The following MYO7A variants were observed in gnomAD, a reference collection of about 807,000 sequenced individuals.
The protein encoded by MYO7A is unconventional myosin-VIIa.
A neutral mutation model predicts 263.8 loss-of-function variants in MYO7A; 210 were observed. That is an observed-to-expected ratio of 0.80 (90% CI 0.71 to 0.89). The LOEUF is 0.89. Among genes scored for constraint, MYO7A ranks in the 40% least tolerant of loss-of-function variants. The pLI is 0.00. For synonymous variants in MYO7A, 1,239 were observed against 1,197.3 expected (o/e 1.03, Z -0.72); for missense variants, 2,820 against 2,968.3 (o/e 0.95, Z 1.16).
At chr11:77,181,767 GTTTTTTTTTTTGTTTTTTTTTTTTTTT>G (rs1455573694) in intron 23 of MYO7A, among the ~76,000 whole-genome samples, 157 bp from the exon 24 acceptor site, 5 of 138,236 alleles carry the variant, frequency 3.6e-5, no homozygotes, top group Admixed American at 7.4e-5. Flanking sequence ...CCCTTCTCAA[GTTTTTTTTTTTGTTTTTTTTTTTTTTT>G]TTTTTTTTGA....
At chr11:77,185,592 A>C (rs1330734844) in intron 27 of MYO7A, among the ~76,000 whole-genome samples, 2 of 152,168 alleles carry the variant, frequency 1.3e-5, no homozygotes, top group Non-Finnish European at 2.9e-5. Flanking sequence ...CCACATCTGC[A>C]GTTACTTCCT....
At chr11:77,186,919 A>C (rs1955686094) in intron 27 of MYO7A, among the ~76,000 whole-genome samples, 1 of 152,184 alleles carries the variant, frequency 6.6e-6, no homozygotes, top group Non-Finnish European at 1.5e-5. Context: ...TTAAAAGTGA[A>C]AAATGTGCGA....
chr11:77,192,386 G>A, intron 31 of MYO7A, 108 bp downstream of exon 31: 2 of 1,128,142 alleles, frequency 1.8e-6, no homozygotes, highest in Non-Finnish European at 2.6e-6. Context: ...AGGCTGGGGT[G>A]AGCCTGACTG....
intron 21 of MYO7A, 30 bp downstream of exon 21, chr11:77,179,983 C>T (rs554113043): frequency 6.7e-7 from 1 of 1,503,750 alleles, no homozygotes; most frequent in Non-Finnish European, 8.9e-7. Context: ...GCACCCACAG[C>T]TCTGACCCCT....
chr11:77,158,032 C>T (rs1952661010), intron 8 of MYO7A, among the ~76,000 whole-genome samples: 1 of 152,040 alleles, frequency 6.6e-6, no homozygotes, highest in South Asian at 2.1e-4. Flanking sequence ...GCCTGCTCTT[C>T]ATGGGAAGAA....
At chr11:77,172,309 G>A (rs1954172445) in intron 15 of MYO7A, among the ~76,000 whole-genome samples, 1 of 152,210 alleles carries the variant, frequency 6.6e-6, no homozygotes, top group African/African-American at 2.4e-5. Flanking sequence ...GGTGGGCCAG[G>A]GCTTGAATCT....
rs782591227 is a variant in MYO7A at position 77,189,403 on chromosome 11, A to G, written c.3563A>G (p.Tyr1188Cys). 3 of 1,613,880 alleles carry G rather than the reference A, an allele frequency of 1.9e-6. No homozygotes were observed. The highest frequency in any genetic ancestry group is 1.1e-5 in the South Asian group (1 of 91,084). Residue 1188 changes from tyrosine (Y) to cysteine (C), a missense_variant, in exon 28 of 49, where the codon TAT becomes TGT. Coordinates refer to ENST00000409709, the MANE Select transcript of MYO7A (RefSeq NM_000260.4). ...ACCCACAACCCCTCCAAGAGCAGCT[A>G]TGCCCGGGGCTGGATTCTCGTGTCT... The part of the protein sequence containing the change: ...QLTHNPSKSS[Y>C]ARGWILVSLC...
intron 28 of MYO7A, 81 bp from the exon 29 acceptor site, chr11:77,189,939 G>GT: frequency 6.9e-7 from 1 of 1,445,656 alleles, no homozygotes; most frequent in Non-Finnish European, 9.1e-7. Context: ...CGGCCTCCAA[G>GT]TGCCGGGAGG....
intron 2 of MYO7A, among the ~76,000 whole-genome samples, chr11:77,135,871 T>C (rs1591175309): frequency 6.6e-6 from 1 of 152,202 alleles, no homozygotes; most frequent in African/African-American, 2.4e-5. Context: ...CTTTGGTCGC[T>C]TTGTATATCT....
In MYO7A at chr11:77,189,582, G is replaced by A. The variant is rs539149983; in HGVS notation, c.3630+112G>A. On this transcript the variant is annotated intron_variant, in intron 28 of 48. Transcript: ENST00000409709. ...AAGGGCCTGGTCACAAGGCCCACCCGGCCACTCCTTACTGAGCCCCATCTT... is the reference window on the plus strand; with the variant it reads ...AAGGGCCTGGTCACAAGGCCCACCCAGCCACTCCTTACTGAGCCCCATCTT... 171 of 1,468,062 alleles carry A rather than the reference G, an allele frequency of 1.2e-4. 1 individual carries two copies. The Admixed American group carries it at 2.8e-3, about 24-fold the overall frequency. The allele number at this position is 1,468,062 out of a possible 1,614,324, so 90.9% of individuals were successfully genotyped here. A position where few individuals can be genotyped will look rare whatever the true frequency, so the allele number is the denominator to read the frequency against.
At chr11:77,150,616 G>T (rs1312193176) in intron 4 of MYO7A, among the ~76,000 whole-genome samples, 10 of 152,186 alleles carry the variant, frequency 6.6e-5, no homozygotes, top group Admixed American at 6.5e-4. Flanking sequence ...GAGGAGGCAG[G>T]GCCGTCCCCT....
At position 77,160,167 on chromosome 11, in the gene MYO7A, AC is replaced by A. The variant is rs1952854443; in HGVS notation, c.1091del (p.Pro364GlnfsTer3). On this transcript the variant is annotated frameshift_variant, in exon 11 of 49. Coordinates refer to ENST00000409709, the MANE Select transcript of MYO7A (RefSeq NM_000260.4). LOFTEE classifies it high-confidence loss of function. ...CTGGGGTGTTGCCTGTACCAGGTGA[AC>A]CCCCCAGACCTGATGAGCTGCCTGA... ...LATAASLLEV[N>X]PPDLMSCLTS... is the part of the protein sequence containing the mutation. 3.2e-6 allele frequency: 5 copies of A among 1,556,534 alleles called. No homozygotes were observed. Among genetic ancestry groups the A allele is most frequent in the South Asian group, 1.2e-5 (1 of 84,188 alleles).
chr11:77,210,401 T>TC (rs1226391512), intron 44 of MYO7A, among the ~76,000 whole-genome samples: 15 of 151,606 alleles, frequency 9.9e-5, no homozygotes, highest in African/African-American at 3.6e-4. Flanking sequence ...GGTAGGTGAG[T>TC]GGGTGGATGG....
chr11:77,182,272 A>G, intron 24 of MYO7A, 118 bp downstream of exon 24: 1 of 1,445,702 alleles, frequency 6.9e-7, no homozygotes. Flanking sequence ...GCCAGGGACC[A>G]GGTCTGACTA....
intron 2 of MYO7A, among the ~76,000 whole-genome samples, chr11:77,142,334 A>G (rs1555051075): frequency 6.6e-6 from 1 of 152,190 alleles, no homozygotes; most frequent in Non-Finnish European, 1.5e-5. Flanking sequence ...CTGTGGTGTC[A>G]TGTTAGAGAG....
chr11:77,212,106 G>T, intron 46 of MYO7A, 169 bp downstream of exon 46: 3 of 705,184 alleles, frequency 4.3e-6, no homozygotes, highest in South Asian at 3.0e-5. Context: ...CTTAGCTGGG[G>T]TAAGTCCTGG....
chr11:77,182,093 CCTA>C lies in MYO7A; in HGVS notation c.3049_3051del (p.Tyr1017del), dbSNP rs1180304045. ...TACTTCCAGGGGACAACCACGCACT[CCTA>C]CACCCGGCGGCCACTCAAACAGCCA... is the stretch of plus-strand genomic sequence containing the variant. On this transcript the variant is annotated inframe_deletion, in exon 24 of 49. Transcript: ENST00000409709. 4 of 1,613,280 alleles carry C rather than the reference CCTA, an allele frequency of 2.5e-6. No homozygotes were observed. Among genetic ancestry groups the C allele is most frequent in the Non-Finnish European group, 3.4e-6 (4 of 1,179,856 alleles).
Position 77,184,725 on chromosome 11 carries a change from GGGAGGCGGGGACACCAGGGCCT to G in MYO7A, c.3503+12_3503+33del, listed in dbSNP as rs111033223. ...TGCGGCCAGCACTCCGGTCAGTGCC[GGGAGGCGGGGACACCAGGGCCT>G]GAAAGTCTTTTGGTGGCTGAGTGGT... On this transcript the variant is annotated intron_variant, in intron 27 of 48. Coordinates refer to ENST00000409709, the MANE Select transcript of MYO7A (RefSeq NM_000260.4). The G allele has an allele frequency of 0.46, 718,936 of 1,578,114 alleles. 170,662 individuals are homozygous for G. Among genetic ancestry groups the G allele is most frequent in the Non-Finnish European group, 0.48 (550,388 of 1,156,268 alleles).
Position 77,199,711 on chromosome 11 carries a change from T to A in MYO7A, c.4745T>A (p.Phe1582Tyr). The change falls in exon 35 of 49, where the codon TTC becomes TAC. Residue 1582 changes from phenylalanine to tyrosine, a missense_variant. By Grantham distance (22) the Phe-to-Tyr change is conservative (BLOSUM62 3). Transcript: ENST00000409709. ...LATIKGDEYT[F>Y]TSSNAEDIRD... ...ACCATCAAGGGGGACGAATACACCT[T>A]CACCTCCAGCAATGCTGAGGACATT... 1 of 1,613,680 alleles carries A rather than the reference T, an allele frequency of 6.2e-7. No individual in the cohort carries two copies. The highest frequency in any genetic ancestry group is 8.5e-7 in the Non-Finnish European group (1 of 1,179,840).
Sources: allele counts gnomAD v4.1 joint callset (sites outside exome capture counted in the v4.1 genomes callset), GRCh38; gene constraint gnomAD v4.1.1; transcripts MANE v1.5; gene names NCBI Gene and HGNC (gene_info 2026-07-23, HGNC 2026-07-21).